The following MYO1H variants were observed in gnomAD, a reference collection of about 807,000 sequenced individuals.
The protein encoded by MYO1H is myosin IH.
A neutral mutation model predicts 149.3 loss-of-function variants in MYO1H; 118 were observed. That is an observed-to-expected ratio of 0.79 (90% CI 0.68 to 0.92). The LOEUF is 0.92. Ranked by LOEUF, MYO1H falls within the 40% of genes least tolerant of loss-of-function variation. The pLI is 0.00. For missense variants in MYO1H, 1,212 were observed against 1,280.7 expected, an observed-to-expected ratio of 0.95 and a Z score of 0.82; for synonymous variants, 447 against 465.2, an observed-to-expected ratio of 0.96 and a Z score of 0.50.
At chr12:109,349,067 T>C (rs1227047207) in intron 1 of MYO1H, among the ~76,000 whole-genome samples, 2 of 152,246 alleles carry the variant, frequency 1.3e-5, no homozygotes, top group Non-Finnish European at 2.9e-5. Context: ...GCATGATATC[T>C]CAAAGTGGTA....
chr12:109,338,135 T>C, the MYO1H span, among the ~76,000 whole-genome samples: 4 of 152,106 alleles, frequency 2.6e-5, no homozygotes, highest in Admixed American at 6.6e-5. Flanking sequence ...GTGGCGCCAT[T>C]ATGGCTCACT....
chr12:109,310,611 G>GT, the MYO1H span, among the ~76,000 whole-genome samples: 40,303 of 147,288 alleles, frequency 0.27, 5,674 homozygotes, highest in Admixed American at 0.38. Flanking sequence ...ACCTGTGACT[G>GT]TTTTTTTTTT....
the MYO1H span, among the ~76,000 whole-genome samples, chr12:109,323,944 T>C: frequency 2.0e-5 from 3 of 151,520 alleles, no homozygotes; most frequent in Non-Finnish European, 4.4e-5. Context: ...TTTGGGAAGC[T>C]GAGGCGGGAG....
intron 7 of MYO1H, among the ~76,000 whole-genome samples, chr12:109,405,257 A>G (rs1870326412): frequency 6.6e-6 from 1 of 152,136 alleles, no homozygotes; most frequent in Admixed American, 6.5e-5. Flanking sequence ...AGATAATGTT[A>G]TTTGAAAATT....
intron 7 of MYO1H, 145 bp from the exon 8 acceptor site, chr12:109,405,777 C>G (rs1415145947): frequency 1.1e-5 from 7 of 653,538 alleles, no homozygotes; most frequent in Non-Finnish European, 1.9e-5. Context: ...AGCAGGAGGG[C>G]TTGGTTCTGT....
chr12:109,418,897 T>A (rs7962906), intron 15 of MYO1H, among the ~76,000 whole-genome samples: 36,556 of 152,170 alleles, frequency 0.24, 4,812 homozygotes, highest in African/African-American at 0.34. Flanking sequence ...AAAAAGTAAT[T>A]ACACATACAG....
chr12:109,438,649 A>G (rs77580513), intron 23 of MYO1H, 29 bp downstream of exon 23: 1 of 1,539,544 alleles, frequency 6.5e-7, no homozygotes, highest in African/African-American at 1.4e-5. Flanking sequence ...CAGAGAGGAC[A>G]GGTCACTAAA....
At chr12:109,410,714 C>T in exon 13 of MYO1H, 1 of 1,601,186 alleles carries the variant, frequency 6.2e-7, no homozygotes, top group Non-Finnish European at 8.5e-7. Flanking sequence ...ATTTCAACAA[C>T]AAGATCATCT....
chr12:109,385,111 G>A (rs184849548), intron 1 of MYO1H, among the ~76,000 whole-genome samples: 100 of 152,162 alleles, frequency 6.6e-4, no homozygotes, highest in African/African-American at 2.0e-3. Flanking sequence ...TTATAATTCC[G>A]TTTTATAGAG....
At chr12:109,327,838 A>T in the MYO1H span, among the ~76,000 whole-genome samples, 1 of 151,780 alleles carries the variant, frequency 6.6e-6, no homozygotes, top group Non-Finnish European at 1.5e-5. Flanking sequence ...AATTCAACCT[A>T]AAAATATTCT....
chr12:109,421,662 A>T lies in MYO1H; in HGVS notation c.1644+635A>T, dbSNP rs143352334. On this transcript the variant is annotated intron_variant, in intron 16 of 31. Transcript: ENST00000310903. ...TGTTATGAGAATATACTGGGGTGAC[A>T]TGATCTGAGGACGAGGAAGCTGAGA... is the stretch of plus-strand genomic sequence containing the variant. 5.5e-3 allele frequency among the ~76,000 whole-genome samples: 840 copies of T among 152,218 alleles called. 15 individuals carry two copies. The highest frequency in any genetic ancestry group is 0.019 in the African/African-American group (809 of 41,534).
At chr12:109,359,621 A>T (rs1868696016) in intron 1 of MYO1H, 1 of 152,174 alleles carries the variant, frequency 6.6e-6, no homozygotes, top group Non-Finnish European at 1.5e-5. Context: ...ATCCACAGTG[A>T]CGTTAAATGT....
At chr12:109,358,775 T>C (rs1180931411) in intron 1 of MYO1H, among the ~76,000 whole-genome samples, 2 of 128,332 alleles carry the variant, frequency 1.6e-5, no homozygotes, top group Non-Finnish European at 3.1e-5. Context: ...TTACATCAGA[T>C]AATCTGGCGA....
chr12:109,326,772 G>A, the MYO1H span, among the ~76,000 whole-genome samples: 4 of 151,860 alleles, frequency 2.6e-5, no homozygotes, highest in Admixed American at 6.6e-5. Flanking sequence ...CATCCACCTC[G>A]GCCCCCAAAG....
intron 8 of MYO1H, among the ~76,000 whole-genome samples, chr12:109,406,466 TTAA>T (rs1870394197): frequency 2.9e-5 from 3 of 101,730 alleles, no homozygotes; most frequent in Non-Finnish European, 5.9e-5. Flanking sequence ...ACCCTATCTC[TTAA>T]AAAAAAAAAA....
At chr12:109,372,489 T>A (rs1869003339) in intron 1 of MYO1H, among the ~76,000 whole-genome samples, 1 of 152,094 alleles carries the variant, frequency 6.6e-6, no homozygotes, top group African/African-American at 2.4e-5. Flanking sequence ...TTTCTTACCA[T>A]GAATTTGAAA....
At chr12:109,407,749 C>T (rs368305434) in intron 9 of MYO1H, 45 bp from the exon 10 acceptor site, 532 of 1,595,768 alleles carry the variant, frequency 3.3e-4, no homozygotes, top group Non-Finnish European at 4.1e-4. Flanking sequence ...ACTCTGGGGG[C>T]TTCTTTTTTC....
chr12:109,435,363 C>A (rs1566041744), intron 21 of MYO1H, among the ~76,000 whole-genome samples: 1 of 150,126 alleles, frequency 6.7e-6, no homozygotes, highest in Non-Finnish European at 1.5e-5. Flanking sequence ...GGATCAGATT[C>A]TGTTGTTCAC....
intron 1 of MYO1H, among the ~76,000 whole-genome samples, chr12:109,379,729 CTTT>C (rs35773327): frequency 2.4e-4 from 25 of 103,472 alleles, no homozygotes; most frequent in African/African-American, 6.1e-4. Context: ...CAATTTTAAC[CTTT>C]TTTTTTTTTT....
Sources: gnomAD v4.1 joint callset for allele counts (sites outside exome capture counted in the v4.1 genomes callset) on GRCh38, gnomAD v4.1.1 for gene constraint, MANE v1.5 for transcripts, NCBI Gene and HGNC (gene_info 2026-07-23, HGNC 2026-07-21) for gene names.